The following FNDC3B variants were observed in gnomAD, a reference collection of about 807,000 sequenced individuals.
The protein encoded by FNDC3B is fibronectin type III domain-containing protein 3B.
FNDC3B carries 12 observed loss-of-function variants against 151.5 expected under a neutral mutation model. The ratio of observed to expected loss-of-function variants is 0.08; its 90% CI spans 0.05 to 0.13. The LOEUF (loss-of-function observed/expected upper bound fraction) is 0.13. Among genes scored for constraint, FNDC3B ranks in the 10% least tolerant of loss-of-function variants. FNDC3B has a pLI of 1.00. For missense variants in FNDC3B, 1,214 were observed against 1,505.3 expected (o/e 0.81, Z 3.20); for synonymous variants, 528 against 549.0 (o/e 0.96, Z 0.54).
chr3:172,321,571 T>C, intron 11 of FNDC3B: 1 of 186,802 alleles, frequency 5.4e-6, no homozygotes, highest in Non-Finnish European at 1.1e-5. Flanking sequence ...GACAGGGTCT[T>C]GCTCTGTTGC....
rs1181654826 is a variant in FNDC3B, at chr3:172,333,101, C to T, written c.1567C>T (p.His523Tyr). The T allele has an allele frequency of 6.2e-7, 1 of 1,611,752 alleles. No individual in the cohort carries two copies. The highest frequency in any genetic ancestry group is 8.5e-7 in the Non-Finnish European group (1 of 1,177,874). Residue 523 changes from histidine to tyrosine, a missense_variant, in exon 14 of 26, where the codon CAC becomes TAC. Physicochemically the swap from His to Tyr is moderately conservative, Grantham distance 83 (BLOSUM62 2). Coordinates refer to ENST00000415807, the MANE Select transcript of FNDC3B (RefSeq NM_022763.4). ...IQEDENDNLF[H>Y]PKYTGEDLTC... ...TTTGCCTTTTCAGGATAACCTTTTC[C>T]ACCCAAAATACACTGGAGAGGATTT...
At chr3:172,392,796 TTC>T (rs1487082064) in intron 25 of FNDC3B, among the ~76,000 whole-genome samples, 3 of 92,882 alleles carry the variant, frequency 3.2e-5, no homozygotes, top group Non-Finnish European at 6.9e-5. Context: ...AATGAATTTT[TTC>T]TTTTTTTTTT....
chr3:172,143,908 A>AAAT (rs1721767067), intron 3 of FNDC3B, among the ~76,000 whole-genome samples: 1 of 141,958 alleles, frequency 7.0e-6, no homozygotes, highest in Non-Finnish European at 1.5e-5. Context: ...CCTCCATCTC[A>AAAT]AAATAAATAA....
intron 25 of FNDC3B, among the ~76,000 whole-genome samples, chr3:172,396,904 C>G (rs376963438): frequency 3.9e-5 from 6 of 152,176 alleles, no homozygotes; most frequent in African/African-American, 1.4e-4. Context: ...AAAATGTCAG[C>G]TGCATTTCTA....
intron 2 of FNDC3B, among the ~76,000 whole-genome samples, chr3:172,118,112 C>A (rs1400334429): frequency 3.3e-5 from 5 of 152,144 alleles, no homozygotes; most frequent in Non-Finnish European, 5.9e-5. Context: ...GAATATGTAA[C>A]CAGAGTTTTT....
chr3:172,347,913 G>A (rs1015069311), intron 21 of FNDC3B, among the ~76,000 whole-genome samples: 1 of 152,100 alleles, frequency 6.6e-6, no homozygotes, highest in Non-Finnish European at 1.5e-5. Context: ...AGAAAAATTG[G>A]TTCATAGCCT....
chr3:172,087,381 G>A (rs1718598677), intron 1 of FNDC3B, among the ~76,000 whole-genome samples: 2 of 152,154 alleles, frequency 1.3e-5, no homozygotes, highest in Admixed American at 1.3e-4. Flanking sequence ...AGAGGCTGAT[G>A]TAATAGGGAA....
At chr3:172,200,093 G>C (rs1294584553) in intron 3 of FNDC3B, among the ~76,000 whole-genome samples, 1 of 152,114 alleles carries the variant, frequency 6.6e-6, no homozygotes, top group South Asian at 2.1e-4. Context: ...GATATTACAA[G>C]GAACAGATGG....
At chr3:172,378,209 A>G in intron 23 of FNDC3B, 61 bp from the exon 24 acceptor site, 1 of 1,436,424 alleles carries the variant, frequency 7.0e-7, no homozygotes, top group South Asian at 1.4e-5. Flanking sequence ...TTTGCATCAT[A>G]ATTAATTTCT....
intron 1 of FNDC3B, among the ~76,000 whole-genome samples, chr3:172,051,734 G>T (rs1216868306): frequency 6.6e-6 from 1 of 152,132 alleles, no homozygotes; most frequent in Non-Finnish European, 1.5e-5. Flanking sequence ...TTTCCTCAAA[G>T]TAGGGAACTA....
At chr3:172,351,005 T>C (rs1285078) in intron 21 of FNDC3B, among the ~76,000 whole-genome samples, 66,668 of 152,132 alleles carry the variant, frequency 0.44, 16,290 homozygotes, top group Non-Finnish European at 0.56. Context: ...AAAATCTTTT[T>C]GATAACATTT....
chr3:172,206,357 C>G (rs1183926527), intron 3 of FNDC3B, among the ~76,000 whole-genome samples: 1 of 152,088 alleles, frequency 6.6e-6, no homozygotes, highest in African/African-American at 2.4e-5. Flanking sequence ...GATCCTATCT[C>G]AAAGAAAGTG....
Position 172,381,068 on chromosome 3 carries a change from T to G in FNDC3B, c.3278T>G (p.Val1093Gly). The change falls in exon 25 of 26, where the codon GTT (valine) becomes GGT (glycine). Residue 1093 changes from valine to glycine, a missense_variant. This residue lies in a region of FNDC3B where 284 missense variants were observed against 392.4 expected (regional missense o/e 0.72). Coordinates refer to ENST00000415807, the MANE Select transcript of FNDC3B (RefSeq NM_022763.4). ...DPVNYILQVL[V>G]GRESEYKQVY... ...GTTAACTACATTCTGCAGGTATTGG[T>G]TGGAAGAGAATCTGAGTACAAACAG... is the stretch of plus-strand genomic sequence containing the variant. 1 of 1,613,694 alleles carries G rather than the reference T, an allele frequency of 6.2e-7. No homozygotes were observed. Among genetic ancestry groups the G allele is most frequent in the South Asian group, 1.1e-5 (1 of 91,070 alleles).
At chr3:172,080,974 A>G (rs1718250997) in intron 1 of FNDC3B, among the ~76,000 whole-genome samples, 2 of 152,202 alleles carry the variant, frequency 1.3e-5, no homozygotes, top group South Asian at 4.1e-4. Context: ...TAGTTAATGC[A>G]CTCTTAAAAA....
intron 6 of FNDC3B, among the ~76,000 whole-genome samples, chr3:172,281,209 T>TTTA (rs1560055056): frequency 1.7e-5 from 2 of 117,456 alleles, no homozygotes; most frequent in Non-Finnish European, 3.5e-5. Context: ...CTTATTATTA[T>TTTA]TATTTATATT....
At position 172,399,257 on chromosome 3, in the gene FNDC3B, G is replaced by A. The variant is rs1302924577; in HGVS notation, c.*1782G>A. On this transcript the variant is annotated 3_prime_UTR_variant, in exon 26 of 26. Coordinates refer to ENST00000415807, the MANE Select transcript of FNDC3B (RefSeq NM_022763.4). ...ACTTATGTACTAATTTTCCCTTGTAGCATGTTATATTTTTGTGTTTTATAC... is the reference window on the plus strand; with the variant it reads ...ACTTATGTACTAATTTTCCCTTGTAACATGTTATATTTTTGTGTTTTATAC... 6.6e-6 allele frequency: 1 copy of A among 152,346 alleles called. No homozygotes were observed. Among genetic ancestry groups the A allele is most frequent in the Non-Finnish European group, 1.5e-5 (1 of 67,996 alleles). The allele number at this position is 152,346 out of a possible 1,614,324, so 9.4% of individuals were successfully genotyped here. A position where few individuals can be genotyped will look rare whatever the true frequency, so the allele number is the denominator to read the frequency against.
At chr3:172,066,219 G>A (rs1490438634) in intron 1 of FNDC3B, among the ~76,000 whole-genome samples, 3 of 152,172 alleles carry the variant, frequency 2.0e-5, no homozygotes, top group African/African-American at 7.2e-5. Flanking sequence ...ATGACGTTTG[G>A]GTGTTCAATA....
Position 172,295,354 on chromosome 3 carries a change from CT to C in FNDC3B, c.850-7del. ...TTGAATACTTTTGTCCCATGTTTTT[CT>C]TCCTCAGGTTTCTAATATTCAGGCA... On this transcript the variant is annotated splice_polypyrimidine_tract_variant and splice_region_variant and intron_variant, in intron 7 of 25. Transcript: ENST00000415807. 1 of 1,596,510 alleles carries C rather than the reference CT, an allele frequency of 6.3e-7. No individual in the cohort carries two copies. Among genetic ancestry groups the C allele is most frequent in the Non-Finnish European group, 8.5e-7 (1 of 1,174,606 alleles).
chr3:172,147,958 G>T (rs1013375541), intron 3 of FNDC3B, among the ~76,000 whole-genome samples: 10 of 152,066 alleles, frequency 6.6e-5, no homozygotes, highest in Non-Finnish European at 1.0e-4. Context: ...CTCAAAGATA[G>T]AATTTTTTTC....
Sources: allele counts gnomAD v4.1 joint callset (sites outside exome capture counted in the v4.1 genomes callset), GRCh38; gene constraint gnomAD v4.1.1; regional missense constraint gnomAD v4.1.1; transcripts MANE v1.5; gene names NCBI Gene and HGNC (gene_info 2026-07-23, HGNC 2026-07-21).